The following COL8A1 variants were observed in gnomAD, a reference collection of about 807,000 sequenced individuals.
COL8A1 encodes the protein collagen type VIII alpha 1 chain, also known as collagen alpha-1(VIII) chain.
Under a neutral mutation model 42.7 loss-of-function variants are expected in COL8A1, and 21 were observed. The ratio of observed to expected loss-of-function variants is 0.49; its 90% CI spans 0.35 to 0.71. COL8A1 has a LOEUF of 0.71. Ranked by LOEUF, COL8A1 falls within the 30% of genes least tolerant of loss-of-function variation. The probability of loss-of-function intolerance (pLI) is 0.01; values close to 1 mark genes in which losing one functional copy is unlikely to be tolerated. For synonymous variants in COL8A1, 367 were observed against 369.1 expected, an observed-to-expected ratio of 0.99 and a Z score of 0.06; for missense variants, 788 against 962.4, an observed-to-expected ratio of 0.82 and a Z score of 2.40.
At chr3:99,679,815 G>T (rs1410919438) in intron 1 of COL8A1, 2 of 152,112 alleles carry the variant, frequency 1.3e-5, no homozygotes, top group East Asian at 3.9e-4. Context: ...TTTGGGAGAT[G>T]AGAAAAACAC....
chr3:99,700,284 T>C (rs1031978272), intron 1 of COL8A1, among the ~76,000 whole-genome samples: 1 of 151,544 alleles, frequency 6.6e-6, no homozygotes, highest in Non-Finnish European at 1.5e-5. Flanking sequence ...ATCCTGTTGC[T>C]TTTTTTATTT....
intron 1 of COL8A1, among the ~76,000 whole-genome samples, chr3:99,651,421 T>C (rs934749781): frequency 6.6e-6 from 1 of 152,228 alleles, no homozygotes; most frequent in Non-Finnish European, 1.5e-5. Context: ...AGCATTTTTG[T>C]CTCTATTTCT....
intron 2 of COL8A1, among the ~76,000 whole-genome samples, chr3:99,765,639 A>T (rs559487898): frequency 4.5e-4 from 68 of 152,318 alleles, no homozygotes; most frequent in African/African-American, 1.5e-3. Context: ...TCTAGTTTAC[A>T]TCATTAGGAT....
intron 1 of COL8A1, among the ~76,000 whole-genome samples, chr3:99,716,701 C>A (rs938170872): frequency 6.6e-6 from 1 of 152,010 alleles, no homozygotes; most frequent in African/African-American, 2.4e-5. Context: ...TAACCCTCAG[C>A]ACTTCTTTGC....
intron 2 of COL8A1, among the ~76,000 whole-genome samples, chr3:99,751,037 T>C (rs1000544003): frequency 6.6e-6 from 1 of 152,192 alleles, no homozygotes; most frequent in South Asian, 2.1e-4. Context: ...AAGTGAAATA[T>C]AGAGCTATTT....
At chr3:99,648,004 A>C (rs1937706259) in intron 1 of COL8A1, among the ~76,000 whole-genome samples, 1 of 152,210 alleles carries the variant, frequency 6.6e-6, no homozygotes, top group Admixed American at 6.5e-5. Flanking sequence ...TAAGTAGCTC[A>C]TAGTCATCTA....
intron 2 of COL8A1, among the ~76,000 whole-genome samples, chr3:99,760,686 T>C (rs948213019): frequency 2.6e-5 from 4 of 152,208 alleles, no homozygotes; most frequent in Non-Finnish European, 2.9e-5. Flanking sequence ...CAAATTTCTC[T>C]GACATTCATG....
intron 1 of COL8A1, chr3:99,679,157 C>CA (rs1162959293): frequency 1.3e-5 from 2 of 152,204 alleles, no homozygotes; most frequent in Non-Finnish European, 2.9e-5. Flanking sequence ...GCCAAGGTTG[C>CA]AATCTTCCAA....
intron 1 of COL8A1, among the ~76,000 whole-genome samples, chr3:99,711,093 T>C (rs755613161): frequency 8.3e-5 from 12 of 144,498 alleles, no homozygotes; most frequent in Admixed American, 2.1e-4. Flanking sequence ...CAATTTATTG[T>C]GACAATTCCA....
At chr3:99,754,629 C>G (rs984916436) in intron 2 of COL8A1, among the ~76,000 whole-genome samples, 1 of 152,126 alleles carries the variant, frequency 6.6e-6, no homozygotes, top group Non-Finnish European at 1.5e-5. Flanking sequence ...CACCTGAGCT[C>G]TGCATCCCTG....
At chr3:99,647,737 T>C (rs1056192619) in intron 1 of COL8A1, among the ~76,000 whole-genome samples, 2 of 152,202 alleles carry the variant, frequency 1.3e-5, no homozygotes, top group African/African-American at 4.8e-5. Context: ...GTTGGCCAAA[T>C]ATTTTCTTTG....
At chr3:99,671,976 A>C (rs1376123200) in intron 1 of COL8A1, among the ~76,000 whole-genome samples, 2 of 152,200 alleles carry the variant, frequency 1.3e-5, no homozygotes, top group East Asian at 3.9e-4. Flanking sequence ...AAGAGAAAAA[A>C]GCAGGTGTTT....
At position 99,734,539 on chromosome 3, in the gene COL8A1, T is replaced by A. The variant is rs1311220881; in HGVS notation, c.-128-10358T>A. Among the ~76,000 whole-genome samples the A allele has an allele frequency of 3.3e-5, 5 of 151,964 alleles. No homozygotes were observed. In the East Asian group the frequency reaches 9.6e-4, roughly 29 times the overall value. On this transcript the variant is annotated intron_variant, in intron 1 of 3. Transcript: ENST00000652472. ...TGTTTTGGTACCAGTACCATGCTGT[T>A]TTGGTTACTGTAGCCTTGTAGTATA...
At chr3:99,786,649 T>C (rs1428804180) in intron 2 of COL8A1, among the ~76,000 whole-genome samples, 1 of 152,180 alleles carries the variant, frequency 6.6e-6, no homozygotes, top group Non-Finnish European at 1.5e-5. Context: ...ATAAAATGTA[T>C]TTTTAACATT....
At chr3:99,674,780 G>C (rs1231665983) in intron 1 of COL8A1, among the ~76,000 whole-genome samples, 1 of 151,848 alleles carries the variant, frequency 6.6e-6, no homozygotes, top group African/African-American at 2.4e-5. Flanking sequence ...AAGTGCATTG[G>C]GAATTTGCTA....
chr3:99,672,527 T>C (rs1345206182), intron 1 of COL8A1, among the ~76,000 whole-genome samples: 1 of 151,734 alleles, frequency 6.6e-6, no homozygotes. Flanking sequence ...ATATATTTTA[T>C]TTCTAGAATT....
Position 99,778,338 on chromosome 3 carries a change from G to A in COL8A1, c.-3-12342G>A, listed in dbSNP as rs543227438. Among the ~76,000 whole-genome samples, 3 of 152,244 alleles carry A rather than the reference G, an allele frequency of 2.0e-5. No homozygotes were observed. In the East Asian group the frequency reaches 5.8e-4, roughly 29 times the overall value. ...CTTAGTCCAACAATCTTGGTTTTACGAACAAGGAAATGGGTCTTAGAGGTT... is the reference window on the plus strand; with the variant it reads ...CTTAGTCCAACAATCTTGGTTTTACAAACAAGGAAATGGGTCTTAGAGGTT... On this transcript the variant is annotated intron_variant, in intron 2 of 3. Transcript: ENST00000652472.
intron 1 of COL8A1, among the ~76,000 whole-genome samples, chr3:99,649,104 C>T (rs967739809): frequency 2.0e-5 from 3 of 151,988 alleles, no homozygotes; most frequent in Admixed American, 1.3e-4. Flanking sequence ...TTAATTTATA[C>T]TCCTCTTCCA....
At chr3:99,736,503 A>C (rs1373439211) in intron 1 of COL8A1, among the ~76,000 whole-genome samples, 2 of 152,166 alleles carry the variant, frequency 1.3e-5, no homozygotes, top group Non-Finnish European at 2.9e-5. Flanking sequence ...GTAGTCATTC[A>C]GGAGCAGGTT....
Sources: gnomAD v4.1 joint callset for allele counts (sites outside exome capture counted in the v4.1 genomes callset) on GRCh38, gnomAD v4.1.1 for gene constraint, MANE v1.5 for transcripts, NCBI Gene and HGNC (gene_info 2026-07-23, HGNC 2026-07-21) for gene names.